Variants in TYW1 observed in about 807,000 individuals in gnomAD.
The protein encoded by TYW1 is S-adenosyl-L-methionine-dependent tRNA 4-demethylwyosine synthase TYW1.
A neutral mutation model predicts 96.2 loss-of-function variants in TYW1; 46 were observed. The observed-to-expected ratio is 0.48, with a 90% CI of 0.38 to 0.61. The LOEUF is 0.61. Among genes scored for constraint, TYW1 ranks in the 20% least tolerant of loss-of-function variants. The pLI, the probability that TYW1 is intolerant of heterozygous loss-of-function variation, is 0.00. For synonymous variants in TYW1, 274 were observed against 323.0 expected (o/e 0.85, Z 1.63); for missense variants, 684 against 909.6 (o/e 0.75, Z 3.19).
intron 15 of TYW1, among the ~76,000 whole-genome samples, chr7:67,220,405 G>A (rs550444540): frequency 8.6e-5 from 13 of 151,982 alleles, no homozygotes; most frequent in South Asian, 8.3e-4. Flanking sequence ...GGGTTTCACC[G>A]TGTTAGCCAG....
At chr7:67,102,789 C>T (rs1373682532) in intron 12 of TYW1, among the ~76,000 whole-genome samples, 9 of 152,010 alleles carry the variant, frequency 5.9e-5, no homozygotes, top group Non-Finnish European at 1.2e-4. Flanking sequence ...GTAGCTGGGA[C>T]TACAGGCACC....
chr7:67,149,442 A>AT (rs1172966510), intron 13 of TYW1, among the ~76,000 whole-genome samples: 1 of 151,980 alleles, frequency 6.6e-6, no homozygotes. Context: ...CATGGCAAAA[A>AT]CTCATTTGCC....
chr7:67,105,886 C>CTTTTTTTTT (rs11330425), intron 12 of TYW1, among the ~76,000 whole-genome samples: 1 of 61,396 alleles, frequency 1.6e-5, no homozygotes, highest in Non-Finnish European at 2.9e-5. Flanking sequence ...AGAGAATATT[C>CTTTTTTTTT]TTTTTTTTTT....
chr7:67,125,759 G>A (rs1237410328), intron 13 of TYW1, among the ~76,000 whole-genome samples: 2 of 152,080 alleles, frequency 1.3e-5, no homozygotes, highest in Non-Finnish European at 2.9e-5. Flanking sequence ...AACCATGGAT[G>A]GATCTTTTAC....
At chr7:67,155,119 G>C (rs1798926323) in intron 13 of TYW1, among the ~76,000 whole-genome samples, 1 of 152,026 alleles carries the variant, frequency 6.6e-6, no homozygotes, top group Non-Finnish European at 1.5e-5. Context: ...TTCTTTTCAG[G>C]CATTTCATAA....
At chr7:67,184,970 A>G (rs1363997326) in intron 14 of TYW1, among the ~76,000 whole-genome samples, 1 of 151,874 alleles carries the variant, frequency 6.6e-6, no homozygotes, top group South Asian at 2.1e-4. Context: ...AGCCTCCCAA[A>G]GTGCTGAGAT....
chr7:67,229,487 C>T (rs542103490), intron 15 of TYW1, among the ~76,000 whole-genome samples: 7 of 151,588 alleles, frequency 4.6e-5, no homozygotes, highest in South Asian at 2.1e-4. Flanking sequence ...TTCAGTGAGC[C>T]GAGATTGTGC....
chr7:67,148,350 A>T (rs1441823787), intron 13 of TYW1, among the ~76,000 whole-genome samples: 2 of 147,146 alleles, frequency 1.4e-5, no homozygotes, highest in African/African-American at 2.5e-5. Flanking sequence ...TCGTAAGATT[A>T]AAAAAAAAAA....
chr7:67,003,861 G>A (rs2129237624), intron 3 of TYW1, among the ~76,000 whole-genome samples: 1 of 152,084 alleles, frequency 6.6e-6, no homozygotes, highest in South Asian at 2.1e-4. Context: ...TGGCCAACAT[G>A]GCAAAACCCC....
intron 15 of TYW1, among the ~76,000 whole-genome samples, chr7:67,220,807 G>A (rs1203362147): frequency 3.3e-5 from 5 of 150,172 alleles, no homozygotes; most frequent in South Asian, 2.1e-4. Flanking sequence ...GCGCGATCTC[G>A]GCTTGCCACA....
chr7:67,237,853 A>T (rs1195295052), intron 15 of TYW1, among the ~76,000 whole-genome samples: 4 of 152,144 alleles, frequency 2.6e-5, no homozygotes, highest in Non-Finnish European at 4.4e-5. Flanking sequence ...GCATGTTTGA[A>T]TTAGAAGTTA....
intron 14 of TYW1, among the ~76,000 whole-genome samples, chr7:67,193,968 T>A (rs375509046): frequency 3.0e-4 from 45 of 152,064 alleles, no homozygotes; most frequent in African/African-American, 6.8e-4. Context: ...TCTCAACAAG[T>A]TGTTGAGAAA....
intron 13 of TYW1, among the ~76,000 whole-genome samples, chr7:67,143,913 C>T (rs1341031407): frequency 6.6e-6 from 1 of 152,090 alleles, no homozygotes; most frequent in South Asian, 2.1e-4. Context: ...GACTTAAAAC[C>T]GGTTGAACAA....
At chr7:67,230,652 CT>C (rs34585182) in intron 15 of TYW1, among the ~76,000 whole-genome samples, 17,816 of 119,500 alleles carry the variant, frequency 0.15, 1,227 homozygotes, top group Admixed American at 0.22. Context: ...CTTATTATCT[CT>C]TTTTTTTTTT....
chr7:67,192,116 G>A (rs1172952898), intron 14 of TYW1, among the ~76,000 whole-genome samples: 1 of 151,734 alleles, frequency 6.6e-6, no homozygotes, highest in Non-Finnish European at 1.5e-5. Flanking sequence ...GGCTGGTCTC[G>A]AATTCCTGAC....
chr7:67,025,488 G>A (rs535880870), intron 7 of TYW1, among the ~76,000 whole-genome samples: 3 of 152,146 alleles, frequency 2.0e-5, no homozygotes, highest in Non-Finnish European at 4.4e-5. Context: ...TTTTATTCAG[G>A]GCTATTTGAA....
intron 11 of TYW1, among the ~76,000 whole-genome samples, chr7:67,087,829 G>A (rs1584544257): frequency 6.6e-6 from 1 of 151,524 alleles, no homozygotes; most frequent in East Asian, 1.9e-4. Flanking sequence ...GCATAAGGGA[G>A]CCTCATTTGT....
At chr7:67,095,334 C>T (rs1312378424) in intron 11 of TYW1, among the ~76,000 whole-genome samples, 1 of 151,976 alleles carries the variant, frequency 6.6e-6, no homozygotes, top group African/African-American at 2.4e-5. Context: ...TGTGGTTCTC[C>T]TGCCCAGCCC....
intron 14 of TYW1, among the ~76,000 whole-genome samples, chr7:67,191,692 C>T (rs984613253): frequency 2.7e-5 from 4 of 150,328 alleles, no homozygotes; most frequent in East Asian, 1.9e-4. Flanking sequence ...GTGGGGCAGT[C>T]GCAGCAGAGA....
Sources: allele counts gnomAD v4.1 joint callset (sites outside exome capture counted in the v4.1 genomes callset), GRCh38; gene constraint gnomAD v4.1.1; transcripts MANE v1.5; gene names NCBI Gene and HGNC (gene_info 2026-07-23, HGNC 2026-07-21).